The following TNKS2 variants were observed in gnomAD, a reference collection of about 807,000 sequenced individuals.
The protein encoded by TNKS2 is tankyrase 2.
Under a neutral mutation model 137.6 loss-of-function variants are expected in TNKS2, and 72 were observed. The observed-to-expected ratio is 0.52, with a 90% CI of 0.43 to 0.64. TNKS2 has a LOEUF of 0.64. Ranked by LOEUF, TNKS2 falls within the 30% of genes least tolerant of loss-of-function variation. The pLI is 0.00. For synonymous variants in TNKS2, 516 were observed against 512.1 expected, an observed-to-expected ratio of 1.01 and a Z score of -0.10; for missense variants, 1,049 against 1,410.2, an observed-to-expected ratio of 0.74 and a Z score of 4.10.
At chr10:91,860,978 G>A (rs1026793335) in intron 25 of TNKS2, among the ~76,000 whole-genome samples, 3 of 152,102 alleles carry the variant, frequency 2.0e-5, no homozygotes, top group Non-Finnish European at 4.4e-5. Flanking sequence ...CTCTTCTTTG[G>A]AAGATAGAAC....
intron 18 of TNKS2, among the ~76,000 whole-genome samples, chr10:91,847,238 A>G (rs917112163): frequency 6.6e-6 from 1 of 152,238 alleles, no homozygotes; most frequent in Admixed American, 6.5e-5. Context: ...AACAAGTACT[A>G]ATTTATTCCT....
chr10:91,804,401 A>C (rs959253575), intron 1 of TNKS2, among the ~76,000 whole-genome samples: 4 of 152,074 alleles, frequency 2.6e-5, no homozygotes, highest in African/African-American at 9.7e-5. Context: ...GTAGATTCAT[A>C]CTCTGTGTAT....
chr10:91,822,433 C>A, intron 7 of TNKS2, 71 bp downstream of exon 7: 1 of 1,259,242 alleles, frequency 7.9e-7, no homozygotes, highest in South Asian at 1.3e-5. Context: ...ATTAGTATGT[C>A]TGGGTTTCTT....
intron 1 of TNKS2, among the ~76,000 whole-genome samples, chr10:91,806,056 T>A (rs1283424697): frequency 1.3e-5 from 2 of 150,802 alleles, no homozygotes; most frequent in African/African-American, 4.8e-5. Flanking sequence ...TTTTTTTTTT[T>A]TTTTTTATAT....
rs534983107 is a variant in TNKS2, at chr10:91,847,083, A to G, written c.2358+1143A>G. Among the ~76,000 whole-genome samples the G allele has an allele frequency of 1.9e-4, 29 of 152,364 alleles. No homozygotes were observed. The South Asian group carries it at 5.6e-3, about 29-fold the overall frequency. On this transcript the variant is annotated intron_variant, in intron 18 of 26. Transcript: ENST00000371627. ...GGGTAATTTACTTAAAGTCTTTGGC[A>G]TGGTATCAGGTACATAAAAAGCACT... is the stretch of plus-strand genomic sequence containing the variant.
intron 25 of TNKS2, 106 bp downstream of exon 25, chr10:91,859,754 G>GCCTA: frequency 2.3e-6 from 2 of 870,210 alleles, no homozygotes; most frequent in Non-Finnish European, 3.4e-6. Flanking sequence ...ATGCAAGCTA[G>GCCTA]GCATGTTTTA....
At chr10:91,853,780 A>G (rs1446600422) in intron 21 of TNKS2, among the ~76,000 whole-genome samples, 1 of 152,230 alleles carries the variant, frequency 6.6e-6, no homozygotes, top group East Asian at 1.9e-4. Context: ...TAGCATTGGC[A>G]TGTTGGTAGT....
At chr10:91,801,514 C>T (rs1844167267) in intron 1 of TNKS2, among the ~76,000 whole-genome samples, 1 of 151,278 alleles carries the variant, frequency 6.6e-6, no homozygotes, top group Non-Finnish European at 1.5e-5. Context: ...AGTTCTGTCT[C>T]CCAGGCTGGA....
chr10:91,824,362 C>T (rs1395026895), intron 7 of TNKS2, among the ~76,000 whole-genome samples: 2 of 152,212 alleles, frequency 1.3e-5, no homozygotes, highest in African/African-American at 4.8e-5. Context: ...CACTAAGACA[C>T]GATCCCTGGA....
intron 12 of TNKS2, among the ~76,000 whole-genome samples, chr10:91,835,306 T>TTTCTTTTTTTTCC (rs1841970009): frequency 6.6e-6 from 1 of 151,450 alleles, no homozygotes; most frequent in African/African-American, 2.4e-5. Flanking sequence ...TCTTTTTTTT[T>TTTCTTTTTTTTCC]CCAAGCAGGG....
chr10:91,853,452 T>C (rs566977768), intron 21 of TNKS2, among the ~76,000 whole-genome samples: 2 of 152,284 alleles, frequency 1.3e-5, no homozygotes, highest in African/African-American at 4.8e-5. Flanking sequence ...ACTCTTTTTT[T>C]CCCCCAACCT....
chr10:91,811,615 G>A (rs1452722398), intron 1 of TNKS2, among the ~76,000 whole-genome samples: 1 of 152,110 alleles, frequency 6.6e-6, no homozygotes, highest in Non-Finnish European at 1.5e-5. Flanking sequence ...AACAAAAACA[G>A]TTAATCTTTT....
At chr10:91,820,114 A>AT (rs1181766125) in intron 6 of TNKS2, 81 bp downstream of exon 6, 1 of 920,928 alleles carries the variant, frequency 1.1e-6, no homozygotes, top group Non-Finnish European at 1.6e-6. Context: ...GAAAAATAAT[A>AT]TTTTTTACTA....
At chr10:91,859,937 A>C (rs1176573364) in intron 25 of TNKS2, among the ~76,000 whole-genome samples, 1 of 152,214 alleles carries the variant, frequency 6.6e-6, no homozygotes, top group African/African-American at 2.4e-5. Flanking sequence ...AAGAGGCTTT[A>C]TTGTAGCCCT....
intron 1 of TNKS2, among the ~76,000 whole-genome samples, chr10:91,803,253 C>CTA (rs1564600165): frequency 6.6e-6 from 1 of 152,186 alleles, no homozygotes; most frequent in Non-Finnish European, 1.5e-5. Flanking sequence ...GTGCCACAGG[C>CTA]TATAATCCCA....
At chr10:91,827,778 A>C (rs1408701112) in intron 8 of TNKS2, among the ~76,000 whole-genome samples, 2 of 152,222 alleles carry the variant, frequency 1.3e-5, no homozygotes, top group Non-Finnish European at 2.9e-5. Flanking sequence ...GATGAGTAAA[A>C]GAGAATCTTA....
chr10:91,823,842 TTATGAAA>T (rs1436764847), intron 7 of TNKS2, among the ~76,000 whole-genome samples: 1 of 152,216 alleles, frequency 6.6e-6, no homozygotes, highest in Non-Finnish European at 1.5e-5. Flanking sequence ...GGCCTGAGTC[TTATGAAA>T]TACGTTTTCC....
intron 11 of TNKS2, among the ~76,000 whole-genome samples, chr10:91,831,690 GC>G (rs1845253236): frequency 6.6e-6 from 1 of 152,136 alleles, no homozygotes; most frequent in South Asian, 2.1e-4. Context: ...TGGCATTTGT[GC>G]ACAAAGCATT....
At position 91,854,732 on chromosome 10, in the gene TNKS2, C is replaced by T. The variant is rs1259505492; in HGVS notation, c.2816-297C>T. ...CAGCCTGACCAACATGGAGAAACTCCGTCTCTACTAAAAATACAAAATTAG... is the reference window on the plus strand; with the variant it reads ...CAGCCTGACCAACATGGAGAAACTCTGTCTCTACTAAAAATACAAAATTAG... On this transcript the variant is annotated intron_variant, in intron 21 of 26. Coordinates refer to ENST00000371627, the MANE Select transcript of TNKS2 (RefSeq NM_025235.4). Among the ~76,000 whole-genome samples the T allele has an allele frequency of 4.6e-5, 7 of 151,866 alleles. No homozygotes were observed. The East Asian group carries it at 1.2e-3, about 25-fold the overall frequency.
Sources: allele counts gnomAD v4.1 joint callset (sites outside exome capture counted in the v4.1 genomes callset), GRCh38; gene constraint gnomAD v4.1.1; transcripts MANE v1.5; gene names NCBI Gene and HGNC (gene_info 2026-07-23, HGNC 2026-07-21).